METTL22: variants seen among roughly 807,000 people sequenced by gnomAD.
METTL22 encodes the protein methyltransferase 22, Kin17 lysine.
Under a neutral mutation model 48.4 loss-of-function variants are expected in METTL22, and 51 were observed. The observed-to-expected ratio is 1.05, with a 90% CI of 0.84 to 1.33. The LOEUF (loss-of-function observed/expected upper bound fraction) is 1.33. METTL22 is among the 40% of genes most tolerant of loss of function. The probability of loss-of-function intolerance (pLI) is 0.00; values close to 1 mark genes in which losing one functional copy is unlikely to be tolerated. For missense variants in METTL22, 678 were observed against 526.9 expected, an observed-to-expected ratio of 1.29 and a Z score of -2.81; for synonymous variants, 255 against 214.1, an observed-to-expected ratio of 1.19 and a Z score of -1.67.
At position 8,635,086 on chromosome 16, in the gene METTL22, A is replaced by G; in HGVS notation, c.555+7A>G. The stretch of plus-strand genomic sequence containing the variant: ...GGAGGATGTTGGCAAGCAGGTGGGT[A>G]GGTCTTGTCCGCTTCCTGTGGCCCT... On this transcript the variant is annotated splice_region_variant and intron_variant, in intron 4 of 10. Transcript: ENST00000381920. The G allele has an allele frequency of 6.2e-7, 1 of 1,613,986 alleles. No individual in the cohort carries two copies. Among genetic ancestry groups the G allele is most frequent in the Non-Finnish European group, 8.5e-7 (1 of 1,180,026 alleles).
chr16:8,660,867 A>G, the METTL22 span, among the ~76,000 whole-genome samples: 2 of 7,392 alleles, frequency 2.7e-4, no homozygotes, highest in African/African-American at 5.3e-4. Flanking sequence ...GAAGAGGAGG[A>G]GGAGGAGGAA....
chr16:8,642,025 G>T, intron 7 of METTL22, 102 bp from the exon 8 acceptor site: 1 of 892,388 alleles, frequency 1.1e-6, no homozygotes, highest in Non-Finnish European at 1.9e-6. Context: ...GCTACCCCCA[G>T]CCCTGTTTCT....
chr16:8,626,860 G>A lies in METTL22; in HGVS notation c.133+1062G>A, dbSNP rs1230900387. 8.2e-5 allele frequency among the ~76,000 whole-genome samples: 11 copies of A among 133,478 alleles called. No homozygotes were observed. The East Asian group carries it at 1.6e-3, about 20-fold the overall frequency. The allele number at this position is 133,478 out of a possible 152,430, so 87.6% of individuals were successfully genotyped here. ...CGGCTCACTGCAAGCTCCGCCTCCC[G>A]GGTTCACGCCATTCTCCTGCCTCAG... On this transcript the variant is annotated intron_variant, in intron 2 of 10. Coordinates refer to ENST00000381920, the MANE Select transcript of METTL22 (RefSeq NM_024109.4).
intron 9 of METTL22, among the ~76,000 whole-genome samples, chr16:8,644,215 C>T (rs2056712595): frequency 6.6e-6 from 1 of 152,214 alleles, no homozygotes; most frequent in Non-Finnish European, 1.5e-5. Flanking sequence ...CAGCTCCAGG[C>T]ACCAGATTCT....
rs1221289685 is a variant in METTL22 at position 8,628,771 on chromosome 16, T to A, written c.175T>A (p.Trp59Arg). 1 of 1,614,164 alleles carries A rather than the reference T, an allele frequency of 6.2e-7. No homozygotes were observed. The highest frequency in any genetic ancestry group is 2.2e-5 in the East Asian group (1 of 44,882). The change falls in exon 3 of 11, where the codon TGG becomes AGG. Residue 59 changes from tryptophan to arginine, a missense_variant. Trp to Arg is a moderately radical substitution (Grantham distance 101). Coordinates refer to ENST00000381920, the MANE Select transcript of METTL22 (RefSeq NM_024109.4). Reference protein sequence around the residue: ...QFKLLWSQDSWTDSGAKGGSH... With the variant: ...QFKLLWSQDSRTDSGAKGGSH... ...CAAGCTTCTATGGAGCCAAGACTCT[T>A]GGACAGATTCAGGAGCCAAGGGTGG...
chr16:8,643,174 T>A (rs542469820), intron 9 of METTL22, among the ~76,000 whole-genome samples: 12 of 152,242 alleles, frequency 7.9e-5, no homozygotes, highest in Non-Finnish European at 1.6e-4. Context: ...ACAGACTTCT[T>A]CACCCAGCAA....
At chr16:8,634,363 C>G (rs1426106299) in intron 3 of METTL22, among the ~76,000 whole-genome samples, 1 of 152,188 alleles carries the variant, frequency 6.6e-6, no homozygotes, top group Non-Finnish European at 1.5e-5. Context: ...CAAGCAAGTT[C>G]TTACTTAACA....
rs374096817 is a variant in METTL22, at chr16:8,642,503, G to C, written c.948G>C (p.Thr316=). Residue 316 remains threonine (T), a synonymous_variant, in exon 9 of 11, where the codon ACG becomes ACC. Coordinates refer to ENST00000381920, the MANE Select transcript of METTL22 (RefSeq NM_024109.4). ...ACTTGACTGATGCTGTGTTTAAAAC[G>C]CTCTCCCGACTCGCCCACAGATTGA... ...DDDLTDAVFK[T]LSRLAHRLKN... is the part of the protein sequence containing the mutation. 6.8e-5 allele frequency: 109 copies of C among 1,614,040 alleles called. 1 individual carries two copies. The highest frequency in any genetic ancestry group is 6.6e-5 in the Non-Finnish European group (78 of 1,180,050).
chr16:8,633,694 C>A (rs2056335420), intron 3 of METTL22, among the ~76,000 whole-genome samples: 1 of 152,256 alleles, frequency 6.6e-6, no homozygotes, highest in Non-Finnish European at 1.5e-5. Context: ...GCCTGCTAAC[C>A]TCACCCAGCC....
intron 9 of METTL22, 124 bp from the exon 10 acceptor site, chr16:8,644,433 G>T (rs781451187): frequency 3.2e-6 from 3 of 929,786 alleles, no homozygotes; most frequent in Non-Finnish European, 4.8e-6. Context: ...TGAGACAGGC[G>T]CTCAGTAAAA....
chr16:8,666,102 C>T, the METTL22 span, among the ~76,000 whole-genome samples: 1 of 152,140 alleles, frequency 6.6e-6, no homozygotes, highest in African/African-American at 2.4e-5. Context: ...TGAGACTCAC[C>T]CTGAGGGTGT....
At chr16:8,666,224 G>A in the METTL22 span, among the ~76,000 whole-genome samples, 2 of 152,164 alleles carry the variant, frequency 1.3e-5, no homozygotes, top group Non-Finnish European at 2.9e-5. Flanking sequence ...AGTAGTTGGT[G>A]TATAAATACC....
At chr16:8,631,018 G>A (rs374628521) in intron 3 of METTL22, among the ~76,000 whole-genome samples, 1 of 152,234 alleles carries the variant, frequency 6.6e-6, no homozygotes, top group African/African-American at 2.4e-5. Flanking sequence ...AGAACCACGT[G>A]ATCAGGGGAA....
chr16:8,643,063 C>A (rs1395701369), intron 9 of METTL22: 2 of 169,880 alleles, frequency 1.2e-5, no homozygotes, highest in Non-Finnish European at 2.6e-5. Context: ...TATTGAGTGC[C>A]CACCTTGTGA....
chr16:8,636,957 A>T (rs145991297), intron 5 of METTL22, among the ~76,000 whole-genome samples: 1,905 of 152,340 alleles, frequency 0.013, 132 homozygotes, highest in Admixed American at 0.11. Context: ...CCCAGTGGTG[A>T]CATCACACAC....
At chr16:8,639,032 C>T in intron 5 of METTL22, 59 bp from the exon 6 acceptor site, 1 of 1,427,560 alleles carries the variant, frequency 7.0e-7, no homozygotes, top group South Asian at 1.1e-5. Context: ...AGGCAAAAAA[C>T]ATGGAGATAA....
intron 3 of METTL22, among the ~76,000 whole-genome samples, chr16:8,633,935 T>C (rs1354183681): frequency 6.6e-6 from 1 of 152,232 alleles, no homozygotes; most frequent in African/African-American, 2.4e-5. Flanking sequence ...GTCTGTCTAG[T>C]GAATGTTGGT....
chr16:8,635,415 C>G (rs1354833036), intron 5 of METTL22, 103 bp downstream of exon 5: 7 of 1,401,892 alleles, frequency 5.0e-6, no homozygotes, highest in Non-Finnish European at 6.6e-6. Context: ...TGGATGTTAG[C>G]TGTTGTTGAT....
intron 9 of METTL22, 123 bp downstream of exon 9, chr16:8,642,688 T>C (rs2056661817): frequency 5.5e-6 from 5 of 910,474 alleles, no homozygotes; most frequent in Non-Finnish European, 9.0e-6. Flanking sequence ...GAGCACCTAC[T>C]ATGTGCCAGG....
Sources: allele counts gnomAD v4.1 joint callset (sites outside exome capture counted in the v4.1 genomes callset), GRCh38; gene constraint gnomAD v4.1.1; transcripts MANE v1.5; gene names NCBI Gene and HGNC (gene_info 2026-07-23, HGNC 2026-07-21).